HEG1: variants seen among roughly 807,000 people sequenced by gnomAD.
HEG1 encodes heart development protein with EGF like domains 1.
A neutral mutation model predicts 125.6 loss-of-function variants in HEG1; 56 were observed. That is an observed-to-expected ratio of 0.45 (90% CI 0.36 to 0.56). The LOEUF (loss-of-function observed/expected upper bound fraction) is 0.56, where lower values mean the gene tolerates loss of function less well. Among genes scored for constraint, HEG1 ranks in the 20% least tolerant of loss-of-function variants. HEG1 has a pLI of 0.00. For missense variants in HEG1, 1,523 were observed against 1,670.0 expected, an observed-to-expected ratio of 0.91 and a Z score of 1.53; for synonymous variants, 644 against 668.5, an observed-to-expected ratio of 0.96 and a Z score of 0.57.
At chr3:125,020,734 A>T in intron 4 of HEG1, 58 bp downstream of exon 4, 2 of 1,460,610 alleles carry the variant, frequency 1.4e-6, no homozygotes, top group Non-Finnish European at 9.4e-7. Flanking sequence ...AGGTCCCCTA[A>T]GAAAATTCAA....
chr3:125,002,420 A>G (rs1937014945), intron 9 of HEG1, 105 bp from the exon 10 acceptor site: 4 of 984,720 alleles, frequency 4.1e-6, no homozygotes, highest in Admixed American at 2.2e-5. Flanking sequence ...TCCAGCCATC[A>G]AGTTATCAGC....
chr3:124,980,940 C>T (rs1936638684), intron 14 of HEG1, among the ~76,000 whole-genome samples: 1 of 151,846 alleles, frequency 6.6e-6, no homozygotes. Context: ...CTACAGCCTT[C>T]AACTCCTGGG....
At chr3:124,992,491 C>T (rs74827464) in intron 12 of HEG1, among the ~76,000 whole-genome samples, 2,917 of 151,936 alleles carry the variant, frequency 0.019, 99 homozygotes, top group East Asian at 0.13. Context: ...TAAAAGATCC[C>T]GAATAAGAAA....
chr3:125,010,966 CGTGTGTCT>C (rs1179683753), intron 6 of HEG1, among the ~76,000 whole-genome samples: 2 of 152,208 alleles, frequency 1.3e-5, no homozygotes, highest in Non-Finnish European at 2.9e-5. Flanking sequence ...ACTCTGTATA[CGTGTGTCT>C]GTGTGTCTGT....
chr3:124,990,817 A>T lies in HEG1; in HGVS notation c.3703T>A (p.Phe1235Ile). The part of the protein sequence containing the change: ...LENETCMSCP[F>I]GLGGLNCGNP... ...CCACAGTTGAGACCACCAAGGCCAAATGGGCAACTGCAAGCCAAGAAAGAA... is the reference window on the plus strand; with the variant it reads ...CCACAGTTGAGACCACCAAGGCCAATTGGGCAACTGCAAGCCAAGAAAGAA... Residue 1235 changes from phenylalanine to isoleucine, a missense_variant, in exon 14 of 17, where the codon TTT (phenylalanine) becomes ATT (isoleucine). Phe to Ile is a conservative substitution (Grantham distance 21). Transcript: ENST00000311127. 6.4e-7 allele frequency: 1 copy of T among 1,564,364 alleles called. No homozygotes were observed. Among genetic ancestry groups the T allele is most frequent in the Non-Finnish European group, 8.7e-7 (1 of 1,153,630 alleles).
At chr3:125,034,264 T>G (rs901149736) in intron 1 of HEG1, among the ~76,000 whole-genome samples, 2 of 54,308 alleles carry the variant, frequency 3.7e-5, no homozygotes, top group African/African-American at 1.1e-4. Context: ...GTAGTTGAAG[T>G]CTTTGCTTGT....
Position 124,970,590 on chromosome 3 carries a change from G to A in HEG1, c.*62C>T. On this transcript the variant is annotated 3_prime_UTR_variant, in exon 17 of 17. Transcript: ENST00000311127. ...ATCCTGGGCGCAGCCTCCTGGTGCG[G>A]TCCTCTGAGCAGAGGTCCCAGGTGA... 1 of 1,470,926 alleles carries A rather than the reference G, an allele frequency of 6.8e-7. No individual in the cohort carries two copies. The highest frequency in any genetic ancestry group is 9.3e-7 in the Non-Finnish European group (1 of 1,080,058). 91.1% of individuals were successfully genotyped at this position (1,470,926 alleles called of 1,614,324 possible). A position where few individuals can be genotyped will look rare whatever the true frequency, so the allele number is the denominator to read the frequency against.
chr3:124,992,933 G>C (rs961599630), intron 12 of HEG1, among the ~76,000 whole-genome samples: 2 of 152,122 alleles, frequency 1.3e-5, no homozygotes, highest in South Asian at 2.1e-4. Context: ...TGTTATAAGC[G>C]GCAGCCATGG....
In HEG1 at chr3:125,013,627, G is replaced by A. The variant is rs1263439962; in HGVS notation, c.1952C>T (p.Thr651Ile). 2 of 1,587,192 alleles carry A rather than the reference G, an allele frequency of 1.3e-6. No homozygotes were observed. Among genetic ancestry groups the A allele is most frequent in the East Asian group, 4.8e-5 (2 of 41,296 alleles). The change falls in exon 6 of 17, where the codon ACT (threonine) becomes ATT (isoleucine). Residue 651 changes from threonine to isoleucine, a missense_variant. Physicochemically the swap from Thr to Ile is moderately conservative, Grantham distance 89 (BLOSUM62 -1). Coordinates refer to ENST00000311127, the MANE Select transcript of HEG1 (RefSeq NM_020733.2). ...NMPNTSVVLD[T>I]DAEFVSDSSS... ...GGAGTCACTAACAAACTCAGCATCA[G>A]TGTCCAGAACAACCGAAGTGTTCGG...
intron 16 of HEG1, among the ~76,000 whole-genome samples, chr3:124,972,684 T>G (rs1464605759): frequency 1.3e-5 from 2 of 152,230 alleles, no homozygotes; most frequent in Admixed American, 6.5e-5. Context: ...GCACGAGAAG[T>G]CACCTGATAA....
At chr3:125,045,106 G>A (rs923458307) in intron 1 of HEG1, among the ~76,000 whole-genome samples, 12 of 152,238 alleles carry the variant, frequency 7.9e-5, no homozygotes, top group Non-Finnish European at 1.6e-4. Context: ...TCAGGTCTTA[G>A]AGGAGGAAGA....
At chr3:124,995,328 T>C (rs1936904366) in intron 12 of HEG1, among the ~76,000 whole-genome samples, 1 of 152,060 alleles carries the variant, frequency 6.6e-6, no homozygotes, top group South Asian at 2.1e-4. Context: ...GAATTAATCA[T>C]GATGCCTGCA....
Position 125,029,425 on chromosome 3 carries a change from T to C in HEG1, c.380A>G (p.Tyr127Cys). 1 of 1,606,468 alleles carries C rather than the reference T, an allele frequency of 6.2e-7. No homozygotes were observed. The highest frequency in any genetic ancestry group is 8.5e-7 in the Non-Finnish European group (1 of 1,179,818). Residue 127 changes from tyrosine (Y) to cysteine (C), a missense_variant, in exon 2 of 17, where the codon TAT (tyrosine) becomes TGT (cysteine). Transcript: ENST00000311127. ...TEAHVENITF[Y>C]QNQEDFSTVS... ...TGTTGAAAAGTCCTCTTGATTCTGA[T>C]AGAAGGTGATGTTTTCTACATGGGC... is the stretch of plus-strand genomic sequence containing the variant.
In HEG1 at chr3:125,001,028, C is replaced by A. The variant is rs565883177; in HGVS notation, c.3517+824G>T. Reference sequence around the variant, plus strand: ...CTAAGACCAAAACTTCCCTTTTGAACTTGTCTCCAATCCCTTTCTTCATTT... The same window carrying A: ...CTAAGACCAAAACTTCCCTTTTGAAATTGTCTCCAATCCCTTTCTTCATTT... On this transcript the variant is annotated intron_variant, in intron 11 of 16. Transcript: ENST00000311127. Among the ~76,000 whole-genome samples, 6 of 152,342 alleles carry A rather than the reference C, an allele frequency of 3.9e-5. No homozygotes were observed. The South Asian group carries it at 1.2e-3, about 32-fold the overall frequency.
chr3:125,036,209 CAA>C (rs10658772), intron 1 of HEG1, among the ~76,000 whole-genome samples: 6 of 70,538 alleles, frequency 8.5e-5, no homozygotes, highest in Non-Finnish European at 9.7e-5. Flanking sequence ...GACCCTGTCT[CAA>C]AAAAAAAAAA....
At chr3:124,972,366 A>C (rs145981819) in intron 16 of HEG1, among the ~76,000 whole-genome samples, 1,946 of 152,350 alleles carry the variant, frequency 0.013, 22 homozygotes, top group Non-Finnish European at 0.021. Context: ...AGAGAAACAA[A>C]GCCCAATGCA....
At chr3:125,046,321 T>C (rs969370282) in intron 1 of HEG1, among the ~76,000 whole-genome samples, 1 of 152,078 alleles carries the variant, frequency 6.6e-6, no homozygotes, top group East Asian at 1.9e-4. Context: ...TCAATACTGT[T>C]ATTGCTCAAA....
At chr3:125,002,192 C>G in intron 10 of HEG1, 65 bp downstream of exon 10, 1 of 1,540,410 alleles carries the variant, frequency 6.5e-7, no homozygotes. Flanking sequence ...TTGCTATCAC[C>G]CATGTTAGAA....
At chr3:124,988,745 C>T (rs578028651) in intron 14 of HEG1, among the ~76,000 whole-genome samples, 8 of 152,146 alleles carry the variant, frequency 5.3e-5, no homozygotes, top group Non-Finnish European at 1.2e-4. Context: ...GGTAAAACCC[C>T]GTCTCTACTA....
Sources: allele counts gnomAD v4.1 joint callset (sites outside exome capture counted in the v4.1 genomes callset), GRCh38; gene constraint gnomAD v4.1.1; transcripts MANE v1.5; gene names NCBI Gene and HGNC (gene_info 2026-07-23, HGNC 2026-07-21).